FHIP1A: variants seen among roughly 807,000 people sequenced by gnomAD.
FHIP1A encodes FHF complex subunit HOOK-interacting protein 1A.
FHIP1A carries 61 observed loss-of-function variants against 88.6 expected under a neutral mutation model. That is an observed-to-expected ratio of 0.69 (90% CI 0.56 to 0.85). The LOEUF is 0.85. FHIP1A is among the 40% of genes least tolerant of loss of function. FHIP1A has a pLI of 0.00. For synonymous variants in FHIP1A, 478 were observed against 496.0 expected (o/e 0.96, Z 0.48); for missense variants, 1,154 against 1,273.5 (o/e 0.91, Z 1.43).
chr4:151,458,841 G>A (rs1268571650), intron 2 of FHIP1A, among the ~76,000 whole-genome samples: 3 of 152,044 alleles, frequency 2.0e-5, no homozygotes, highest in Non-Finnish European at 2.9e-5. Flanking sequence ...CTTTTCTTGG[G>A]CATAGTGGAT....
intron 2 of FHIP1A, among the ~76,000 whole-genome samples, chr4:151,477,861 CATT>C (rs928160729): frequency 6.6e-6 from 1 of 152,066 alleles, no homozygotes; most frequent in Non-Finnish European, 1.5e-5. Flanking sequence ...AGGTGCAAAA[CATT>C]AGTCTATTTA....
intron 3 of FHIP1A, among the ~76,000 whole-genome samples, chr4:151,484,837 G>GAGAAAAGA (rs1730020920): frequency 1.3e-5 from 2 of 152,188 alleles, no homozygotes; most frequent in East Asian, 3.8e-4. Flanking sequence ...TCGTCTACAT[G>GAGAAAAGA]AGAAAAGAAG....
intron 1 of FHIP1A, among the ~76,000 whole-genome samples, chr4:151,443,133 G>A (rs537957876): frequency 1.3e-5 from 2 of 152,088 alleles, no homozygotes; most frequent in East Asian, 1.9e-4. Context: ...AAATTAGTCA[G>A]GTGTGGTGGA....
intron 1 of FHIP1A, among the ~76,000 whole-genome samples, chr4:151,447,392 T>A (rs1000690726): frequency 9.9e-5 from 15 of 152,176 alleles, no homozygotes; most frequent in South Asian, 2.1e-4. Context: ...ACATTTGGAA[T>A]GTTTTTCAAG....
intron 2 of FHIP1A, among the ~76,000 whole-genome samples, chr4:151,469,995 A>C (rs1729454747): frequency 6.6e-6 from 1 of 152,206 alleles, no homozygotes; most frequent in African/African-American, 2.4e-5. Flanking sequence ...AGCAAATGTA[A>C]GATAAATTGA....
chr4:151,662,588 G>A lies in FHIP1A; in HGVS notation c.2957G>A (p.Arg986Lys). The change falls in exon 14 of 14, where the codon AGA becomes AAA. Residue 986 changes from arginine to lysine, a missense_variant. Coordinates refer to ENST00000435205, the MANE Select transcript of FHIP1A (RefSeq NM_001109977.3). The stretch of plus-strand genomic sequence containing the variant: ...GTGCTTCAGCCCTTCCTGACCCACA[G>A]AACCAAGGTGGCTGAGGCACCCCCC... ...PRVLQPFLTH[R>K]TKVAEAPPNL... is the part of the protein sequence containing the mutation. 1 of 1,551,572 alleles carries A rather than the reference G, an allele frequency of 6.4e-7. No individual in the cohort carries two copies. The highest frequency in any genetic ancestry group is 8.7e-7 in the Non-Finnish European group (1 of 1,146,966).
At chr4:151,564,010 C>G (rs1733282278) in intron 3 of FHIP1A, among the ~76,000 whole-genome samples, 1 of 151,832 alleles carries the variant, frequency 6.6e-6, no homozygotes, top group Admixed American at 6.6e-5. Flanking sequence ...ACAACAACAA[C>G]CAACAAACAA....
intron 4 of FHIP1A, among the ~76,000 whole-genome samples, chr4:151,574,474 TAG>T (rs1733708780): frequency 6.6e-6 from 1 of 152,132 alleles, no homozygotes; most frequent in African/African-American, 2.4e-5. Flanking sequence ...GTTATGTAAA[TAG>T]ACTTTTGCTG....
intron 1 of FHIP1A, among the ~76,000 whole-genome samples, chr4:151,444,746 GTTTA>G (rs554463635): frequency 1.1e-3 from 165 of 152,176 alleles, no homozygotes; most frequent in Admixed American, 4.2e-3. Flanking sequence ...ATTTATCCAT[GTTTA>G]TTCATGAAGC....
At chr4:151,651,583 C>T (rs1737032057) in intron 11 of FHIP1A, among the ~76,000 whole-genome samples, 1 of 152,192 alleles carries the variant, frequency 6.6e-6, no homozygotes, top group South Asian at 2.1e-4. Flanking sequence ...CCTGTGAGGA[C>T]TGAATGAGAT....
intron 1 of FHIP1A, among the ~76,000 whole-genome samples, chr4:151,417,659 C>T (rs923354843): frequency 5.9e-5 from 9 of 152,102 alleles, no homozygotes; most frequent in African/African-American, 2.2e-4. Context: ...ATGAATCAGC[C>T]TTAGGTTCCC....
intron 3 of FHIP1A, among the ~76,000 whole-genome samples, chr4:151,549,488 C>CT (rs1225034768): frequency 1.2e-4 from 12 of 96,142 alleles, no homozygotes; most frequent in Middle Eastern, 6.5e-3. Flanking sequence ...GAGACTCTGT[C>CT]TAAAAAAAAA....
At chr4:151,492,591 CAAA>C (rs59887435) in intron 3 of FHIP1A, among the ~76,000 whole-genome samples, 8 of 94,184 alleles carry the variant, frequency 8.5e-5, no homozygotes, top group Admixed American at 1.3e-4. Flanking sequence ...GGCTGTGTCT[CAAA>C]AAAAAAAAAA....
chr4:151,486,883 A>C (rs201024097), intron 3 of FHIP1A, among the ~76,000 whole-genome samples: 1 of 151,416 alleles, frequency 6.6e-6, no homozygotes, highest in Non-Finnish European at 1.5e-5. Flanking sequence ...CAGGAGAATC[A>C]CTTGAACCTG....
Position 151,646,560 on chromosome 4 carries a change from A to T in FHIP1A, c.1229A>T (p.Tyr410Phe), listed in dbSNP as rs377280064. ...EDVMLQLVLR[Y>F]LIPCNHMMLS... ...GCTTGTTCTTTTTGTCATTCTAGGT[A>T]TCTGATCCCCTGCAATCACATGATG... Residue 410 changes from tyrosine (Y) to phenylalanine (F), a missense_variant and splice_region_variant, in exon 10 of 14, where the codon TAT becomes TTT. Physicochemically the swap from Tyr to Phe is conservative, Grantham distance 22 (BLOSUM62 3). Coordinates refer to ENST00000435205, the MANE Select transcript of FHIP1A (RefSeq NM_001109977.3). 5 of 1,549,990 alleles carry T rather than the reference A, an allele frequency of 3.2e-6. No homozygotes were observed. The highest frequency in any genetic ancestry group is 4.4e-6 in the Non-Finnish European group (5 of 1,145,810).
At chr4:151,533,608 C>T (rs2126715938) in intron 3 of FHIP1A, among the ~76,000 whole-genome samples, 1 of 152,274 alleles carries the variant, frequency 6.6e-6, no homozygotes, top group Admixed American at 6.5e-5. Flanking sequence ...CCAGGCCTAG[C>T]CAGCCCCTGT....
At chr4:151,554,235 A>G (rs4696096) in intron 3 of FHIP1A, among the ~76,000 whole-genome samples, 49,324 of 152,032 alleles carry the variant, frequency 0.32, 8,027 homozygotes, top group Non-Finnish European at 0.34. Flanking sequence ...TGCCCAATAA[A>G]CAGTGGCTTT....
chr4:151,518,361 G>C (rs1053533284), intron 3 of FHIP1A, among the ~76,000 whole-genome samples: 2 of 152,002 alleles, frequency 1.3e-5, no homozygotes, highest in Admixed American at 6.6e-5. Flanking sequence ...GTTTATGAAA[G>C]TATACTCTAT....
chr4:151,501,777 T>C (rs544317765), intron 3 of FHIP1A, among the ~76,000 whole-genome samples: 1 of 151,676 alleles, frequency 6.6e-6, no homozygotes, highest in South Asian at 2.1e-4. Flanking sequence ...GAATTGTTGG[T>C]CATTTTGTTG....
Sources: gnomAD v4.1 joint callset for allele counts (sites outside exome capture counted in the v4.1 genomes callset) on GRCh38, gnomAD v4.1.1 for gene constraint, MANE v1.5 for transcripts, NCBI Gene and HGNC (gene_info 2026-07-23, HGNC 2026-07-21) for gene names.